The following STK32B variants were observed in gnomAD, a reference collection of about 807,000 sequenced individuals.
The protein encoded by STK32B is serine/threonine-protein kinase 32B.
STK32B carries 43 observed loss-of-function variants against 52.6 expected under a neutral mutation model. The ratio of observed to expected loss-of-function variants is 0.82; its 90% CI spans 0.64 to 1.05. STK32B has a LOEUF of 1.05. Among genes scored for constraint, STK32B ranks in the 50% least tolerant of loss-of-function variants. The pLI is 0.00. For missense variants in STK32B, 621 were observed against 534.6 expected (o/e 1.16, Z -1.59); for synonymous variants, 238 against 204.3 (o/e 1.17, Z -1.41).
At chr4:5,259,366 A>G (rs1168346108) in intron 3 of STK32B, among the ~76,000 whole-genome samples, 4 of 152,202 alleles carry the variant, frequency 2.6e-5, no homozygotes, top group Non-Finnish European at 5.9e-5. Context: ...CTTGGTGGAT[A>G]TTCACAGAAT....
intron 1 of STK32B, among the ~76,000 whole-genome samples, chr4:5,101,032 G>T (rs1218950562): frequency 2.6e-5 from 4 of 152,088 alleles, no homozygotes; most frequent in Non-Finnish European, 4.4e-5. Context: ...CTGAATAGCT[G>T]GGACTCTCAG....
intron 11 of STK32B, among the ~76,000 whole-genome samples, chr4:5,474,785 G>A (rs376495437): frequency 1.3e-5 from 2 of 152,148 alleles, no homozygotes; most frequent in Non-Finnish European, 2.9e-5. Context: ...GTATCCGTAG[G>A]TATTTTTATT....
At chr4:5,020,905 G>A in the STK32B span, among the ~76,000 whole-genome samples, 1 of 152,182 alleles carries the variant, frequency 6.6e-6, no homozygotes. Context: ...TGTGAAGCTG[G>A]GAAGAGCAGT....
intron 3 of STK32B, among the ~76,000 whole-genome samples, chr4:5,193,381 T>C (rs1721387523): frequency 6.6e-6 from 1 of 152,200 alleles, no homozygotes; most frequent in Admixed American, 6.5e-5. Context: ...ATGAACACAC[T>C]GAGGCCCAGA....
intron 4 of STK32B, among the ~76,000 whole-genome samples, chr4:5,388,765 G>T (rs1230062912): frequency 6.6e-6 from 1 of 152,248 alleles, no homozygotes; most frequent in Non-Finnish European, 1.5e-5. Context: ...TGGGCCAAGG[G>T]AGGGATGTCA....
chr4:5,091,136 T>C (rs759345798), intron 1 of STK32B, among the ~76,000 whole-genome samples: 33 of 152,324 alleles, frequency 2.2e-4, no homozygotes, highest in Admixed American at 1.3e-3. Context: ...AGTATTACCC[T>C]GATATCAATG....
Position 5,399,111 on chromosome 4 carries a change from T to C in STK32B, c.472+867T>C, listed in dbSNP as rs12510033. Among the ~76,000 whole-genome samples, 21,663 of 150,782 alleles carry C rather than the reference T, an allele frequency of 0.14. 1,907 individuals carry two copies. The highest frequency in any genetic ancestry group is 0.24 in the African/African-American group (10,040 of 41,470). On this transcript the variant is annotated intron_variant, in intron 5 of 11. Coordinates refer to ENST00000282908, the MANE Select transcript of STK32B (RefSeq NM_018401.3). The surrounding 1 kb of genome is among the most constrained non-coding windows in gnomAD (Gnocchi z 5.4). ...GCTCAGTGGACTTGACAATCAATTG[T>C]GGCTGATGCCAACAGGAGACTTACA...
intron 3 of STK32B, among the ~76,000 whole-genome samples, chr4:5,169,206 C>T (rs571973054): frequency 1.3e-5 from 2 of 152,272 alleles, no homozygotes; most frequent in African/African-American, 2.4e-5. Context: ...ATCTTTATCA[C>T]AGTGAACCCA....
At chr4:5,446,976 T>C in intron 7 of STK32B, 200 bp downstream of exon 7, 1 of 541,992 alleles carries the variant, frequency 1.8e-6, no homozygotes. Context: ...ATTGTACAGA[T>C]GGGAAAGAGG....
chr4:5,173,283 T>A (rs1210396943), intron 3 of STK32B, among the ~76,000 whole-genome samples: 1 of 152,190 alleles, frequency 6.6e-6, no homozygotes, highest in Non-Finnish European at 1.5e-5. Flanking sequence ...TTTTGAAGGT[T>A]TTTTTGTGTC....
intron 3 of STK32B, among the ~76,000 whole-genome samples, chr4:5,244,715 C>G (rs201109111): frequency 0.23 from 34,951 of 151,640 alleles, 5,243 homozygotes; most frequent in African/African-American, 0.42. Flanking sequence ...TGGGCATTTA[C>G]TGCTATAAAT....
At chr4:5,323,591 C>A (rs111367055) in intron 3 of STK32B, among the ~76,000 whole-genome samples, 1 of 152,132 alleles carries the variant, frequency 6.6e-6, no homozygotes, top group Non-Finnish European at 1.5e-5. Context: ...GGCCTAGCAC[C>A]CTTCCTTCCC....
At chr4:5,027,857 T>G in the STK32B span, among the ~76,000 whole-genome samples, 1 of 152,090 alleles carries the variant, frequency 6.6e-6, no homozygotes, top group Non-Finnish European at 1.5e-5. Context: ...CTCTGGAGTG[T>G]GCAAGACCAG....
chr4:5,234,174 C>T (rs766590892), intron 3 of STK32B, among the ~76,000 whole-genome samples: 2 of 152,190 alleles, frequency 1.3e-5, no homozygotes, highest in Admixed American at 6.5e-5. Flanking sequence ...TTATTGGAAG[C>T]GTTGTGTAGT....
intron 2 of STK32B, among the ~76,000 whole-genome samples, chr4:5,154,891 C>A (rs16836726): frequency 6.6e-6 from 1 of 152,116 alleles, no homozygotes; most frequent in African/African-American, 2.4e-5. Context: ...CAGGGATGTG[C>A]GCAAATCATG....
At chr4:5,105,266 T>C (rs1040383982) in intron 1 of STK32B, among the ~76,000 whole-genome samples, 5 of 152,020 alleles carry the variant, frequency 3.3e-5, no homozygotes, top group African/African-American at 1.2e-4. Flanking sequence ...GGCCAGAAGT[T>C]CAATACTAGC....
At position 5,453,150 on chromosome 4, in the gene STK32B, G is replaced by A. The variant is rs1716157165; in HGVS notation, c.667-3657G>A. ...CCTGCACTGGCTTCCTAGTGCATTG[G>A]AGTTATTATTATCATCATTGTTTTT... On this transcript the variant is annotated intron_variant, in intron 7 of 11. Transcript: ENST00000282908. This position sits in a 1 kb window ranked among gnomAD's most constrained non-coding sequence, Gnocchi z 4.0. Among the ~76,000 whole-genome samples the A allele has an allele frequency of 6.6e-6, 1 of 151,956 alleles. No individual in the cohort carries two copies. The highest frequency in any genetic ancestry group is 2.4e-5 in the African/African-American group (1 of 41,348).
At chr4:5,179,388 T>C (rs778373896) in intron 3 of STK32B, among the ~76,000 whole-genome samples, 1 of 152,220 alleles carries the variant, frequency 6.6e-6, no homozygotes, top group Non-Finnish European at 1.5e-5. Flanking sequence ...ATATCAGCTA[T>C]ATCAGATAAA....
At chr4:5,306,173 A>G (rs888143214) in intron 3 of STK32B, among the ~76,000 whole-genome samples, 2 of 152,130 alleles carry the variant, frequency 1.3e-5, no homozygotes, top group African/African-American at 4.8e-5. Context: ...AAGAATGTAT[A>G]TTCTGCAGTT....
Sources: allele counts gnomAD v4.1 joint callset (sites outside exome capture counted in the v4.1 genomes callset), GRCh38; gene constraint gnomAD v4.1.1; non-coding constraint Gnocchi (gnomAD v3.1); transcripts MANE v1.5; gene names NCBI Gene and HGNC (gene_info 2026-07-23, HGNC 2026-07-21).